The following KCNQ5 variants were observed in gnomAD, a reference collection of about 807,000 sequenced individuals.
KCNQ5 encodes potassium voltage-gated channel subfamily Q member 5, also known as potassium voltage-gated channel subfamily KQT member 5.
KCNQ5 carries 30 observed loss-of-function variants against 98.2 expected under a neutral mutation model. That is an observed-to-expected ratio of 0.31 (90% CI 0.23 to 0.41). The LOEUF (loss-of-function observed/expected upper bound fraction) is 0.41, where lower values mean the gene tolerates loss of function less well. Ranked by LOEUF, KCNQ5 falls within the 10% of genes least tolerant of loss-of-function variation. The pLI, the probability that KCNQ5 is intolerant of heterozygous loss-of-function variation, is 1.00. For missense variants in KCNQ5, 835 were observed against 1,182.5 expected (o/e 0.71, Z 4.31); for synonymous variants, 458 against 449.4 (o/e 1.02, Z -0.24).
chr6:72,776,078 G>T (rs992887404), intron 1 of KCNQ5, among the ~76,000 whole-genome samples: 1 of 152,172 alleles, frequency 6.6e-6, no homozygotes, highest in Admixed American at 6.5e-5. Flanking sequence ...GGATGTACTA[G>T]AACTTTCTGT....
At chr6:72,662,224 A>T (rs776840556) in intron 1 of KCNQ5, among the ~76,000 whole-genome samples, 2 of 152,174 alleles carry the variant, frequency 1.3e-5, no homozygotes, top group Non-Finnish European at 1.5e-5. Flanking sequence ...TTGCCATGTA[A>T]GCACATTTAC....
chr6:73,087,570 A>G (rs773866756), intron 5 of KCNQ5, among the ~76,000 whole-genome samples: 7 of 152,188 alleles, frequency 4.6e-5, no homozygotes, highest in African/African-American at 1.4e-4. Flanking sequence ...ATTTAAATCT[A>G]TGAGAACATT....
chr6:72,912,185 T>G (rs1356558889), intron 1 of KCNQ5, among the ~76,000 whole-genome samples: 2 of 152,202 alleles, frequency 1.3e-5, no homozygotes, highest in African/African-American at 2.4e-5. Flanking sequence ...TCCAGTATAC[T>G]CACTGTCACT....
chr6:72,796,075 C>T (rs1217884496), intron 1 of KCNQ5, among the ~76,000 whole-genome samples: 1 of 152,062 alleles, frequency 6.6e-6, no homozygotes, highest in Non-Finnish European at 1.5e-5. Context: ...TCCAATAGCT[C>T]ACACTAAATA....
chr6:73,149,702 C>G (rs990501728), intron 10 of KCNQ5, among the ~76,000 whole-genome samples: 2 of 150,294 alleles, frequency 1.3e-5, no homozygotes, highest in South Asian at 4.2e-4. Flanking sequence ...GAGGCTGAGG[C>G]GGAAGAATCG....
intron 5 of KCNQ5, among the ~76,000 whole-genome samples, chr6:73,101,954 CA>C (rs1774795202): frequency 1.3e-5 from 2 of 151,948 alleles, no homozygotes; most frequent in Admixed American, 1.3e-4. Flanking sequence ...CTATCCTAAG[CA>C]AAAAGAGAAA....
chr6:72,926,507 C>A (rs1033605266), intron 1 of KCNQ5, among the ~76,000 whole-genome samples: 2 of 152,076 alleles, frequency 1.3e-5, no homozygotes, highest in Non-Finnish European at 2.9e-5. Flanking sequence ...CCTAATGACT[C>A]CCTAAGCCTC....
chr6:73,041,919 C>CT lies in KCNQ5; in HGVS notation c.490-15dup, dbSNP rs1191963201. On this transcript the variant is annotated splice_polypyrimidine_tract_variant and intron_variant, in intron 2 of 13. Transcript: ENST00000370398. ...TCCATAATGCTTCTCTCTGATATGT[C>CT]TTATCTGATATTTTAGGAGTTCGTG... 40 of 1,613,458 alleles carry CT rather than the reference C, an allele frequency of 2.5e-5. No homozygotes were observed. The highest frequency in any genetic ancestry group is 3.3e-5 in the Non-Finnish European group (39 of 1,179,590).
At chr6:72,973,455 G>A (rs1768001835) in intron 1 of KCNQ5, among the ~76,000 whole-genome samples, 1 of 151,926 alleles carries the variant, frequency 6.6e-6, no homozygotes, top group African/African-American at 2.4e-5. Context: ...TCCTTTGAAA[G>A]GCTGAATTAT....
chr6:73,080,867 A>G (rs1041487389), intron 5 of KCNQ5, among the ~76,000 whole-genome samples: 1 of 152,188 alleles, frequency 6.6e-6, no homozygotes, highest in Non-Finnish European at 1.5e-5. Context: ...AGATAGTGAG[A>G]TCTGTCCCCT....
intron 1 of KCNQ5, among the ~76,000 whole-genome samples, chr6:72,952,657 G>A (rs369822169): frequency 6.6e-6 from 1 of 152,108 alleles, no homozygotes; most frequent in African/African-American, 2.4e-5. Flanking sequence ...TTAAGCTGAA[G>A]AGTTTAGACC....
chr6:73,171,718 T>C (rs1778023444), intron 11 of KCNQ5, among the ~76,000 whole-genome samples: 1 of 152,232 alleles, frequency 6.6e-6, no homozygotes, highest in African/African-American at 2.4e-5. Flanking sequence ...TGAACATTAC[T>C]GGTCTAGAAG....
At chr6:72,828,310 G>T (rs1287874792) in intron 1 of KCNQ5, among the ~76,000 whole-genome samples, 1 of 152,040 alleles carries the variant, frequency 6.6e-6, no homozygotes, top group Non-Finnish European at 1.5e-5. Flanking sequence ...TCTGTAGATT[G>T]CATTGGGTAG....
intron 1 of KCNQ5, among the ~76,000 whole-genome samples, chr6:72,795,610 T>C (rs956399557): frequency 2.0e-5 from 3 of 152,126 alleles, no homozygotes; most frequent in African/African-American, 7.2e-5. Context: ...AAAAACTGGT[T>C]ATTGTATAGC....
chr6:72,811,788 G>A (rs1006137367), intron 1 of KCNQ5, among the ~76,000 whole-genome samples: 1 of 152,160 alleles, frequency 6.6e-6, no homozygotes, highest in Non-Finnish European at 1.5e-5. Flanking sequence ...ACACAAGAAA[G>A]AATTTGGGAT....
rs1407242229 is a variant in KCNQ5 at position 72,632,754 on chromosome 6, A to G, written c.398+10167A>G. ...CTACATCCATGTTGCGGCAAAGGAC[A>G]TGATTTCATTCTTTTTTATGGCTGC... On this transcript the variant is annotated intron_variant, in intron 1 of 13. Coordinates refer to ENST00000370398, the MANE Select transcript of KCNQ5 (RefSeq NM_019842.4). Among the ~76,000 whole-genome samples, 5 of 152,070 alleles carry G rather than the reference A, an allele frequency of 3.3e-5. No individual in the cohort carries two copies. In the East Asian group the frequency reaches 7.7e-4, roughly 23 times the overall value.
intron 1 of KCNQ5, among the ~76,000 whole-genome samples, chr6:72,685,862 A>G (rs1767922929): frequency 6.6e-6 from 1 of 152,342 alleles, no homozygotes; most frequent in South Asian, 2.1e-4. Context: ...GAGTGGCTTA[A>G]ACAATAGACA....
At chr6:73,097,979 A>G (rs1231622837) in intron 5 of KCNQ5, among the ~76,000 whole-genome samples, 3 of 152,178 alleles carry the variant, frequency 2.0e-5, no homozygotes, top group African/African-American at 7.2e-5. Context: ...ACACTGACAA[A>G]CACCACAACC....
intron 1 of KCNQ5, among the ~76,000 whole-genome samples, chr6:72,772,989 T>A (rs982422461): frequency 1.3e-5 from 2 of 152,156 alleles, no homozygotes; most frequent in African/African-American, 4.8e-5. Context: ...AGCTTTTGTT[T>A]GCATGTCACG....
Sources: gnomAD v4.1 joint callset for allele counts (sites outside exome capture counted in the v4.1 genomes callset) on GRCh38, gnomAD v4.1.1 for gene constraint, MANE v1.5 for transcripts, NCBI Gene and HGNC (gene_info 2026-07-23, HGNC 2026-07-21) for gene names.